The following CAMK2B variants were observed in gnomAD, a reference collection of about 807,000 sequenced individuals.
The protein encoded by CAMK2B is calcium/calmodulin dependent protein kinase II beta.
Under a neutral mutation model 93.7 loss-of-function variants are expected in CAMK2B, and 27 were observed. The observed-to-expected ratio is 0.29, with a 90% CI of 0.21 to 0.40. The LOEUF (loss-of-function observed/expected upper bound fraction) is 0.40, where lower values mean the gene tolerates loss of function less well. CAMK2B is among the 10% of genes least tolerant of loss of function. The pLI is 1.00. For missense variants in CAMK2B, 568 were observed against 895.8 expected, an observed-to-expected ratio of 0.63 and a Z score of 4.67; for synonymous variants, 374 against 358.8, an observed-to-expected ratio of 1.04 and a Z score of -0.48.
chr7:44,227,615 G>C (rs373342669), intron 19 of CAMK2B, among the ~76,000 whole-genome samples: 2 of 9,284 alleles, frequency 2.2e-4, no homozygotes, highest in African/African-American at 2.8e-3. Flanking sequence ...GGGGGACAGA[G>C]GGAGTGTGGG....
At chr7:44,318,342 G>A (rs1193239163) in intron 1 of CAMK2B, among the ~76,000 whole-genome samples, 1 of 152,194 alleles carries the variant, frequency 6.6e-6, no homozygotes, top group African/African-American at 2.4e-5. Context: ...AGACCTACCT[G>A]CAGAGCCACC....
At chr7:44,325,324 C>G in intron 1 of CAMK2B, 33 bp downstream of exon 1, 1 of 1,197,510 alleles carries the variant, frequency 8.4e-7, no homozygotes, top group Non-Finnish European at 1.1e-6. Context: ...CTCTGGGGTC[C>G]CCGGCCCAGC....
At chr7:44,228,373 C>A (rs1316964503) in intron 19 of CAMK2B, among the ~76,000 whole-genome samples, 1 of 152,098 alleles carries the variant, frequency 6.6e-6, no homozygotes, top group Non-Finnish European at 1.5e-5. Context: ...CATCAGGAAC[C>A]AGGGTGGCCC....
chr7:44,259,905 A>G (rs1228704612), intron 3 of CAMK2B, among the ~76,000 whole-genome samples: 1 of 152,026 alleles, frequency 6.6e-6, no homozygotes, highest in Non-Finnish European at 1.5e-5. Flanking sequence ...AACCTTCCCA[A>G]CCACCCCGAG....
At chr7:44,275,730 C>T (rs10247738) in intron 2 of CAMK2B, among the ~76,000 whole-genome samples, 31,263 of 152,168 alleles carry the variant, frequency 0.21, 4,011 homozygotes, top group Middle Eastern at 0.3. Context: ...AGCCTCGTTC[C>T]TTCATTGCTC....
Position 44,225,622 on chromosome 7 carries a change from T to G in CAMK2B, c.1597+894A>C, listed in dbSNP as rs1433534088. 1.3e-5 allele frequency: 10 copies of G among 745,706 alleles called. No individual in the cohort carries two copies. In the East Asian group the frequency reaches 5.2e-4, roughly 39 times the overall value. 46.2% of individuals were successfully genotyped at this position (745,706 alleles called of 1,614,324 possible). Reference sequence around the variant, plus strand: ...CCAGTGCCCCTTTGAGCCTGCAGCCTGCATCCCCCTCCTCGAGCCGCTGCT... The same window carrying G: ...CCAGTGCCCCTTTGAGCCTGCAGCCGGCATCCCCCTCCTCGAGCCGCTGCT... On this transcript the variant is annotated intron_variant, in intron 20 of 23. Transcript: ENST00000395749. This position sits in a 1 kb window ranked among gnomAD's most constrained non-coding sequence, Gnocchi z 5.0.
intron 3 of CAMK2B, among the ~76,000 whole-genome samples, chr7:44,261,389 G>A (rs2096878010): frequency 1.3e-5 from 2 of 152,246 alleles, no homozygotes; most frequent in Non-Finnish European, 2.9e-5. Context: ...CAGCTCCAAG[G>A]GAGGCCCTGT....
At chr7:44,315,592 G>T (rs905492881) in intron 1 of CAMK2B, among the ~76,000 whole-genome samples, 2 of 152,120 alleles carry the variant, frequency 1.3e-5, no homozygotes, top group Non-Finnish European at 2.9e-5. Flanking sequence ...TTAGGGCCAG[G>T]TTGTCAATTT....
At chr7:44,280,986 G>A (rs530897285) in intron 2 of CAMK2B, among the ~76,000 whole-genome samples, 22 of 152,318 alleles carry the variant, frequency 1.4e-4, no homozygotes, top group Admixed American at 2.6e-4. Context: ...TGCTCTTCCT[G>A]GCTTAGGGAC....
intron 5 of CAMK2B, among the ~76,000 whole-genome samples, chr7:44,247,713 C>G (rs2096745327): frequency 6.6e-6 from 1 of 152,168 alleles, no homozygotes; most frequent in Non-Finnish European, 1.5e-5. Context: ...TGCTCGGGCA[C>G]ATGTTATTTC....
rs565987131 is a variant in CAMK2B, at chr7:44,253,144, T to TA, written c.341+1397dup. Among the ~76,000 whole-genome samples the TA allele has an allele frequency of 2.2e-4, 33 of 150,828 alleles. 1 individual carries two copies. In the South Asian group the frequency reaches 5.7e-3, roughly 26 times the overall value. On this transcript the variant is annotated intron_variant, in intron 5 of 23. Transcript: ENST00000395749. ...GTCACATCAAACTACTTCTGCTACTTAAAAAAAAATTCATTTTTCTGGATC... is the reference window on the plus strand; with the variant it reads ...GTCACATCAAACTACTTCTGCTACTTAAAAAAAAAATTCATTTTTCTGGATC...
chr7:44,315,606 C>CA (rs1296629642), intron 1 of CAMK2B, among the ~76,000 whole-genome samples: 2 of 151,998 alleles, frequency 1.3e-5, no homozygotes, highest in East Asian at 1.9e-4. Context: ...TCAATTTTTG[C>CA]AAAAAACGCA....
intron 13 of CAMK2B, among the ~76,000 whole-genome samples, chr7:44,235,016 C>T (rs2096612595): frequency 6.6e-6 from 1 of 152,260 alleles, no homozygotes; most frequent in Non-Finnish European, 1.5e-5. Context: ...GATGCTGCTT[C>T]CTCCCTGATG....
At chr7:44,234,817 G>T in intron 13 of CAMK2B, 141 bp from the exon 14 acceptor site, 2 of 870,156 alleles carry the variant, frequency 2.3e-6, no homozygotes, top group Non-Finnish European at 3.7e-6. Context: ...CAGCACCCAG[G>T]CTGGCTCTGA....
intron 20 of CAMK2B, among the ~76,000 whole-genome samples, chr7:44,221,545 C>CGCAGCAG (rs58958064): frequency 0.054 from 8,153 of 149,966 alleles, 278 homozygotes; most frequent in East Asian, 0.086. Context: ...GGGCTGTCCC[C>CGCAGCAG]GCAGCAGGAA....
At chr7:44,317,408 T>A (rs977139539) in intron 1 of CAMK2B, among the ~76,000 whole-genome samples, 1 of 152,170 alleles carries the variant, frequency 6.6e-6, no homozygotes, top group African/African-American at 2.4e-5. Context: ...CAAAAAGGAA[T>A]GCAAAATAGC....
intron 6 of CAMK2B, chr7:44,245,036 G>A (rs1183581689): frequency 1.1e-5 from 5 of 453,484 alleles, no homozygotes; most frequent in Non-Finnish European, 2.2e-5. Flanking sequence ...AAGTTGGACA[G>A]AGGAGGGGTC....
intron 1 of CAMK2B, among the ~76,000 whole-genome samples, chr7:44,303,646 C>A (rs1790701001): frequency 6.6e-6 from 1 of 152,150 alleles, no homozygotes; most frequent in African/African-American, 2.4e-5. Flanking sequence ...AACTTTAAAA[C>A]TTCTAAAAAA....
intron 1 of CAMK2B, among the ~76,000 whole-genome samples, chr7:44,288,111 G>T (rs925032366): frequency 5.3e-5 from 8 of 152,214 alleles, no homozygotes; most frequent in Non-Finnish European, 7.3e-5. Flanking sequence ...ACCCACCAAG[G>T]CTTCCAGGGC....
Sources: allele counts gnomAD v4.1 joint callset (sites outside exome capture counted in the v4.1 genomes callset), GRCh38; gene constraint gnomAD v4.1.1; non-coding constraint Gnocchi (gnomAD v3.1); transcripts MANE v1.5; gene names NCBI Gene and HGNC (gene_info 2026-07-23, HGNC 2026-07-21).